Variants in CD33 observed in about 807,000 individuals in gnomAD.
The protein encoded by CD33 is myeloid cell surface antigen CD33.
In CD33, 25 loss-of-function variants were observed where a neutral mutation model predicts 31.4. The ratio of observed to expected loss-of-function variants is 0.80; its 90% CI spans 0.58 to 1.11. The LOEUF (loss-of-function observed/expected upper bound fraction) is 1.11, where lower values mean the gene tolerates loss of function less well. Ranked by LOEUF, CD33 falls within the 50% of genes most tolerant of loss-of-function variation. CD33 has a pLI of 0.00. For missense variants in CD33, 407 were observed against 448.1 expected, an observed-to-expected ratio of 0.91 and a Z score of 0.83; for synonymous variants, 176 against 180.6, an observed-to-expected ratio of 0.97 and a Z score of 0.20.
rs550953026 is a variant in CD33, at chr19:51,226,470, C to T, written c.745+114C>T. The stretch of plus-strand genomic sequence containing the variant: ...CAGAGGCAAGGCCTGCAGTTAGACA[C>T]GGGTAGACATCAGGCACCTTGGAAA... On this transcript the variant is annotated intron_variant, in intron 4 of 6. Coordinates refer to ENST00000262262, the MANE Select transcript of CD33 (RefSeq NM_001772.4). The T allele has an allele frequency of 3.8e-4, 334 of 876,662 alleles. 1 individual carries two copies. The highest frequency in any genetic ancestry group is 1.2e-4 in the African/African-American group (7 of 60,778). The allele number at this position is 876,662 out of a possible 1,614,324, so 54.3% of individuals were successfully genotyped here.
rs1599782509 is a variant in CD33, at chr19:51,239,693, C to T, written c.*5C>T. The T allele has an allele frequency of 6.2e-7, 1 of 1,603,854 alleles. No homozygotes were observed. The highest frequency in any genetic ancestry group is 2.2e-5 in the East Asian group (1 of 44,644). On this transcript the variant is annotated 3_prime_UTR_variant, in exon 7 of 7. Transcript: ENST00000262262. ...TCAGAGGTCAGGACCCAGTGAGGAACCCACAAGAGCATCAGGCTCAGCTAG... is the reference window on the plus strand; with the variant it reads ...TCAGAGGTCAGGACCCAGTGAGGAATCCACAAGAGCATCAGGCTCAGCTAG...
In CD33 at chr19:51,239,674, G is replaced by T; in HGVS notation, c.1081G>T (p.Val361Phe). Residue 361 changes from valine to phenylalanine, a missense_variant, in exon 7 of 7, where the codon GTC becomes TTC. By Grantham distance (50) the Val-to-Phe change is conservative. Coordinates refer to ENST00000262262, the MANE Select transcript of CD33 (RefSeq NM_001772.4). ...SKDTSTEYSE[V>F]RTQ Reference sequence around the variant, plus strand: ...GGACACCTCCACCGAATACTCAGAGGTCAGGACCCAGTGAGGAACCCACAA... The same window carrying T: ...GGACACCTCCACCGAATACTCAGAGTTCAGGACCCAGTGAGGAACCCACAA... 6.2e-7 allele frequency: 1 copy of T among 1,610,812 alleles called. No homozygotes were observed. The highest frequency in any genetic ancestry group is 8.5e-7 in the Non-Finnish European group (1 of 1,178,798).
At chr19:51,222,155 T>C (rs1052152244), upstream of CD33, among the ~76,000 whole-genome samples, 48 of 152,220 alleles carry the variant, frequency 3.2e-4, 1 homozygote, top group Admixed American at 3.1e-3. Context: ...AATTCAACTG[T>C]ATCTAACTTT....
Position 51,225,873 on chromosome 19 carries a change from C to A in CD33, c.489C>A (p.Cys163Ter), listed in dbSNP as rs756606852. The A allele has an allele frequency of 6.2e-7, 1 of 1,614,104 alleles. No homozygotes were observed. The highest frequency in any genetic ancestry group is 8.5e-7 in the Non-Finnish European group (1 of 1,180,010). ...CCGGCCACTCCAAAAACCTGACCTGCTCTGTGTCCTGGGCCTGTGAGCAGG... is the reference window on the plus strand; with the variant it reads ...CCGGCCACTCCAAAAACCTGACCTGATCTGTGTCCTGGGCCTGTGAGCAGG... ...LEPGHSKNLT[C>*]SVSWACEQGT... The change falls in exon 3 of 7, where the codon TGC becomes TGA. Residue 163 changes from cysteine to a stop codon, truncating the protein, a stop_gained. Transcript: ENST00000262262. LOFTEE classifies it high-confidence loss of function.
chr19:51,236,091 G>A (rs757554093), intron 6 of CD33: 60 of 480,020 alleles, frequency 1.2e-4, no homozygotes, highest in Non-Finnish European at 2.1e-4. Context: ...CCGGGAGGCA[G>A]AGCTTGTAGT....
the CD33 span, among the ~76,000 whole-genome samples, chr19:51,218,104 C>T: frequency 3.3e-5 from 5 of 152,208 alleles, no homozygotes; most frequent in Non-Finnish European, 7.4e-5. Context: ...AGAAATCTCT[C>T]TGTTTTCCGT....
At chr19:51,229,443 T>C (rs1981257139) in intron 4 of CD33, among the ~76,000 whole-genome samples, 1 of 152,172 alleles carries the variant, frequency 6.6e-6, no homozygotes, top group Non-Finnish European at 1.5e-5. Flanking sequence ...CTTCAATTTT[T>C]TGGAATAGTT....
chr19:51,212,895 T>C, the CD33 span, among the ~76,000 whole-genome samples: 3 of 152,230 alleles, frequency 2.0e-5, no homozygotes, highest in Admixed American at 6.5e-5. Flanking sequence ...ACGCCTGTGG[T>C]ATTCCATTGC....
chr19:51,225,977 T>A lies in CD33; in HGVS notation c.593T>A (p.Ile198Lys). 6.2e-7 allele frequency: 1 copy of A among 1,614,032 alleles called. No homozygotes were observed. Among genetic ancestry groups the A allele is most frequent in the Non-Finnish European group, 8.5e-7 (1 of 1,179,974 alleles). The part of the protein sequence containing the change: ...GPRTTHSSVL[I>K]ITPRPQDHGT... ...AGGACTACTCACTCCTCGGTGCTCA[T>A]AATCACCCCACGGCCCCAGGACCAC... The change falls in exon 3 of 7, where the codon ATA (isoleucine) becomes AAA (lysine). Residue 198 changes from isoleucine (I) to lysine (K), a missense_variant. Physicochemically the swap from Ile to Lys is moderately radical, Grantham distance 102 (BLOSUM62 -3). Transcript: ENST00000262262.
At chr19:51,219,026 G>C in the CD33 span, among the ~76,000 whole-genome samples, 2 of 150,774 alleles carry the variant, frequency 1.3e-5, no homozygotes, top group African/African-American at 4.8e-5. Flanking sequence ...GTTTCTATAT[G>C]AATTTTAGAA....
the CD33 span, among the ~76,000 whole-genome samples, chr19:51,218,946 G>A: frequency 1.3e-5 from 2 of 152,188 alleles, no homozygotes; most frequent in Admixed American, 6.5e-5. Context: ...ATAATTTGAA[G>A]TCAGGTAATG....
chr19:51,225,251 A>C lies in CD33; in HGVS notation c.71A>C (p.Gln24Pro). ...ALAMDPNFWL[Q>P]VQESVTVQEG... ...GCTATGGATCCAAATTTCTGGCTGC[A>C]AGTGCAGGAGTCAGTGACGGTACAG... The change falls in exon 2 of 7, where the codon CAA becomes CCA. Residue 24 changes from glutamine (Q) to proline (P), a missense_variant. By Grantham distance (76) the Gln-to-Pro change is moderately conservative. Coordinates refer to ENST00000262262, the MANE Select transcript of CD33 (RefSeq NM_001772.4). 2 of 1,613,612 alleles carry C rather than the reference A, an allele frequency of 1.2e-6. No individual in the cohort carries two copies. The highest frequency in any genetic ancestry group is 8.5e-7 in the Non-Finnish European group (1 of 1,179,614).
the CD33 span, among the ~76,000 whole-genome samples, chr19:51,217,427 C>A: frequency 7.5e-6 from 1 of 133,124 alleles, no homozygotes; most frequent in African/African-American, 2.7e-5. Flanking sequence ...TTTTTTTTTT[C>A]TTGAGACGGA....
intron 4 of CD33, among the ~76,000 whole-genome samples, chr19:51,228,579 C>T (rs563529299): frequency 5.3e-5 from 8 of 152,332 alleles, no homozygotes; most frequent in Admixed American, 2.0e-4. Flanking sequence ...TGTAGAAATG[C>T]TACTGATTTT....
intron 4 of CD33, among the ~76,000 whole-genome samples, chr19:51,234,110 G>A (rs907102409): frequency 7.2e-5 from 11 of 151,956 alleles, no homozygotes; most frequent in African/African-American, 2.4e-4. Flanking sequence ...TCTTCTAGTC[G>A]CTGATCATCT....
intron 5 of CD33, 70 bp downstream of exon 5, chr19:51,235,323 G>A: frequency 1.4e-6 from 2 of 1,415,426 alleles, no homozygotes; most frequent in South Asian, 1.2e-5. Context: ...AAGGGTCCTG[G>A]AGGGGCTGTG....
upstream of CD33, chr19:51,224,947 T>A (rs1474074141): frequency 1.0e-5 from 8 of 794,778 alleles, no homozygotes; most frequent in East Asian, 5.3e-5. Context: ...TGAGGGTCAA[T>A]CTGTGTGGAG....
rs61736476 is a variant in CD33, at chr19:51,239,661, C to A, written c.1068C>A (p.Thr356=). 87 of 1,612,722 alleles carry A rather than the reference C, an allele frequency of 5.4e-5. No individual in the cohort carries two copies. The highest frequency in any genetic ancestry group is 7.3e-5 in the Non-Finnish European group (86 of 1,179,560). Residue 356 remains threonine (T), a synonymous_variant, in exon 7 of 7, where the codon ACC becomes ACA. Coordinates refer to ENST00000262262, the MANE Select transcript of CD33 (RefSeq NM_001772.4). The stretch of plus-strand genomic sequence containing the variant: ...TGAATCCTTCCAAGGACACCTCCAC[C>A]GAATACTCAGAGGTCAGGACCCAGT... The part of the protein sequence containing the change: ...HGMNPSKDTS[T]EYSEVRTQ
At chr19:51,226,922 A>G (rs7256496) in intron 4 of CD33, among the ~76,000 whole-genome samples, 6,804 of 151,812 alleles carry the variant, frequency 0.045, 478 homozygotes, top group African/African-American at 0.15. Context: ...TTTTACTTCT[A>G]TGAAATCAAC....
Sources: gnomAD v4.1 joint callset for allele counts (sites outside exome capture counted in the v4.1 genomes callset) on GRCh38, gnomAD v4.1.1 for gene constraint, MANE v1.5 for transcripts, NCBI Gene and HGNC (gene_info 2026-07-23, HGNC 2026-07-21) for gene names.